Variants in PTPRD observed in about 807,000 individuals in gnomAD.
PTPRD encodes protein tyrosine phosphatase receptor type D, also known as receptor-type tyrosine-protein phosphatase delta.
In PTPRD, 34 loss-of-function variants were observed where a neutral mutation model predicts 214.5. That is an observed-to-expected ratio of 0.16 (90% CI 0.12 to 0.21). PTPRD has a LOEUF of 0.21. PTPRD is among the 10% of genes least tolerant of loss of function. The pLI is 1.00. For missense variants in PTPRD, 2,545 were observed against 2,398.7 expected, an observed-to-expected ratio of 1.06 and a Z score of -1.27; for synonymous variants, 1,128 against 845.7, an observed-to-expected ratio of 1.33 and a Z score of -5.79.
intron 11 of PTPRD, among the ~76,000 whole-genome samples, chr9:8,955,900 A>G (rs1006991833): frequency 1.3e-5 from 2 of 151,960 alleles, no homozygotes; most frequent in African/African-American, 4.8e-5. Flanking sequence ...ATATCCATGC[A>G]TATACACACA....
chr9:8,956,348 A>G (rs1245065399), intron 11 of PTPRD, among the ~76,000 whole-genome samples: 1 of 151,962 alleles, frequency 6.6e-6, no homozygotes, highest in Non-Finnish European at 1.5e-5. Flanking sequence ...ACTTTGGACT[A>G]ATACTTAACA....
chr9:10,277,553 G>A (rs2094783608), intron 3 of PTPRD, among the ~76,000 whole-genome samples: 1 of 150,380 alleles, frequency 6.6e-6, no homozygotes. Flanking sequence ...CATATAAACT[G>A]ATTAGCTGAG....
intron 3 of PTPRD, among the ~76,000 whole-genome samples, chr9:10,149,467 T>C (rs1007842440): frequency 8.5e-5 from 13 of 152,198 alleles, no homozygotes; most frequent in Non-Finnish European, 1.6e-4. Flanking sequence ...ATGACAAGAG[T>C]TGGCTTTAAA....
chr9:9,495,108 C>G (rs1035246588), intron 8 of PTPRD, among the ~76,000 whole-genome samples: 7 of 151,990 alleles, frequency 4.6e-5, no homozygotes, highest in Non-Finnish European at 2.9e-5. Flanking sequence ...GACTAGATAG[C>G]CACATGCGAA....
intron 3 of PTPRD, among the ~76,000 whole-genome samples, chr9:10,053,639 C>A (rs1296548708): frequency 1.3e-5 from 2 of 152,096 alleles, no homozygotes; most frequent in East Asian, 3.9e-4. Context: ...GGTTTTCAGG[C>A]AATATCTTGT....
chr9:10,503,201 A>AAAAAC (rs2044425619), intron 2 of PTPRD, among the ~76,000 whole-genome samples: 1 of 134,556 alleles, frequency 7.4e-6, no homozygotes, highest in Non-Finnish European at 1.5e-5. Flanking sequence ...TACAAAAAAA[A>AAAAAC]AAAAAACAAA....
At chr9:9,313,102 T>C (rs1327729620) in intron 9 of PTPRD, among the ~76,000 whole-genome samples, 1 of 152,156 alleles carries the variant, frequency 6.6e-6, no homozygotes, top group Non-Finnish European at 1.5e-5. Flanking sequence ...AGTTCGGTGA[T>C]GTTTTTGTGA....
At chr9:10,034,407 CTTTTTTTTTTT>C (rs56827836) in intron 3 of PTPRD, among the ~76,000 whole-genome samples, 1 of 89,542 alleles carries the variant, frequency 1.1e-5, no homozygotes, top group Non-Finnish European at 2.1e-5. Context: ...CCTGGCTCTA[CTTTTTTTTTTT>C]TTTTTTTTTT....
intron 12 of PTPRD, among the ~76,000 whole-genome samples, chr9:8,642,499 C>A (rs945626805): frequency 6.6e-6 from 1 of 152,186 alleles, no homozygotes; most frequent in African/African-American, 2.4e-5. Flanking sequence ...TAGCAATCTG[C>A]TTCCTCCTTA....
At chr9:8,797,003 A>G (rs2096447812) in intron 11 of PTPRD, 1 of 152,154 alleles carries the variant, frequency 6.6e-6, no homozygotes, top group Non-Finnish European at 1.5e-5. Flanking sequence ...AGCTACTATA[A>G]CATTAGATTA....
At position 10,479,654 on chromosome 9, in the gene PTPRD, T is replaced by C. The variant is rs117785405; in HGVS notation, c.-600+132744A>G. Among the ~76,000 whole-genome samples, 152 of 64,208 alleles carry C rather than the reference T, an allele frequency of 2.4e-3. 1 individual carries two copies. The highest frequency in any genetic ancestry group is 9.9e-3 in the East Asian group (19 of 1,924). The allele number at this position is 64,208 out of a possible 152,430, so 42.1% of individuals were successfully genotyped here. On this transcript the variant is annotated intron_variant, in intron 2 of 45. Coordinates refer to ENST00000381196, the MANE Select transcript of PTPRD (RefSeq NM_002839.4). Reference sequence around the variant, plus strand: ...ATAAATAAATAAATAAATAAATAAATAAATAAACAAAAATACAAAAATTTG... The same window carrying C: ...ATAAATAAATAAATAAATAAATAAACAAATAAACAAAAATACAAAAATTTG...
chr9:10,423,214 C>T (rs1351369885), intron 2 of PTPRD, among the ~76,000 whole-genome samples: 1 of 139,332 alleles, frequency 7.2e-6, no homozygotes, highest in Non-Finnish European at 1.5e-5. Context: ...GACAGAAAAC[C>T]AAGCACCGCA....
intron 2 of PTPRD, among the ~76,000 whole-genome samples, chr9:10,376,766 T>C (rs1254462168): frequency 6.6e-6 from 1 of 151,930 alleles, no homozygotes; most frequent in East Asian, 1.9e-4. Context: ...TTTTTAATTG[T>C]ATTTTTTGTG....
chr9:9,010,515 G>A (rs544129493), intron 11 of PTPRD, among the ~76,000 whole-genome samples: 1 of 152,322 alleles, frequency 6.6e-6, no homozygotes, highest in African/African-American at 2.4e-5. Context: ...TAAAAGGAAA[G>A]AGGAGTTCTG....
chr9:9,144,309 G>A (rs2099864945), intron 10 of PTPRD, among the ~76,000 whole-genome samples: 2 of 152,118 alleles, frequency 1.3e-5, no homozygotes, highest in Non-Finnish European at 2.9e-5. Context: ...ATGATTTACT[G>A]CAATTTGTCA....
At chr9:8,403,026 C>CA (rs1442837909) in intron 36 of PTPRD, among the ~76,000 whole-genome samples, 22 of 152,042 alleles carry the variant, frequency 1.4e-4, no homozygotes, top group Non-Finnish European at 3.1e-4. Flanking sequence ...AGGAGGGCCA[C>CA]AGGTATAGGA....
At chr9:9,260,312 C>CGT (rs1192477103) in intron 9 of PTPRD, among the ~76,000 whole-genome samples, 3 of 151,758 alleles carry the variant, frequency 2.0e-5, no homozygotes, top group Non-Finnish European at 2.9e-5. Flanking sequence ...ATCTTGACTC[C>CGT]AAAGACTACT....
intron 3 of PTPRD, among the ~76,000 whole-genome samples, chr9:10,131,070 T>A (rs1424928784): frequency 1.3e-5 from 2 of 152,110 alleles, no homozygotes; most frequent in Non-Finnish European, 2.9e-5. Context: ...ACAAAAAGAA[T>A]TGCATTTGTT....
At chr9:10,041,715 T>C (rs2097299706) in intron 3 of PTPRD, among the ~76,000 whole-genome samples, 1 of 152,046 alleles carries the variant, frequency 6.6e-6, no homozygotes, top group South Asian at 2.1e-4. Flanking sequence ...TATAATTTTC[T>C]TTGCACAATC....
Sources: gnomAD v4.1 joint callset for allele counts (sites outside exome capture counted in the v4.1 genomes callset) on GRCh38, gnomAD v4.1.1 for gene constraint, MANE v1.5 for transcripts, NCBI Gene and HGNC (gene_info 2026-07-23, HGNC 2026-07-21) for gene names.